The following ARHGAP26 variants were observed in gnomAD, a reference collection of about 807,000 sequenced individuals.
ARHGAP26 encodes Rho GTPase activating protein 26.
Under a neutral mutation model 104.8 loss-of-function variants are expected in ARHGAP26, and 38 were observed. The observed-to-expected ratio is 0.36, with a 90% CI of 0.28 to 0.48. The LOEUF (loss-of-function observed/expected upper bound fraction) is 0.48, where lower values mean the gene tolerates loss of function less well. Among genes scored for constraint, ARHGAP26 ranks in the 20% least tolerant of loss-of-function variants. The pLI is 0.99. For synonymous variants in ARHGAP26, 341 were observed against 340.0 expected, an observed-to-expected ratio of 1.00 and a Z score of -0.03; for missense variants, 704 against 947.9, an observed-to-expected ratio of 0.74 and a Z score of 3.38.
At chr5:143,125,321 C>T (rs1405924625) in intron 18 of ARHGAP26, among the ~76,000 whole-genome samples, 1 of 152,182 alleles carries the variant, frequency 6.6e-6, no homozygotes, top group African/African-American at 2.4e-5. Flanking sequence ...TATTTTGTCA[C>T]TCACACCCAC....
chr5:142,979,325 T>G (rs1388032066), intron 11 of ARHGAP26, among the ~76,000 whole-genome samples: 1 of 152,240 alleles, frequency 6.6e-6, no homozygotes, highest in Non-Finnish European at 1.5e-5. Context: ...CCAAGTCTAC[T>G]GAATTTTGAG....
chr5:142,849,442 G>T (rs1354554609), intron 1 of ARHGAP26, among the ~76,000 whole-genome samples: 2 of 152,228 alleles, frequency 1.3e-5, no homozygotes, highest in Non-Finnish European at 2.9e-5. Flanking sequence ...GCCGCCGTGA[G>T]ATTTTGCTAA....
intron 1 of ARHGAP26, among the ~76,000 whole-genome samples, chr5:142,822,836 A>G (rs572317888): frequency 2.0e-5 from 3 of 152,286 alleles, no homozygotes; most frequent in Non-Finnish European, 4.4e-5. Context: ...TAAACCCCAT[A>G]TTATTCCCTT....
chr5:143,177,472 C>T (rs1803637992), intron 20 of ARHGAP26, among the ~76,000 whole-genome samples: 1 of 152,166 alleles, frequency 6.6e-6, no homozygotes, highest in Non-Finnish European at 1.5e-5. Flanking sequence ...CACAGAAAAC[C>T]TGGCAGAGCT....
intron 12 of ARHGAP26, 113 bp downstream of exon 12, chr5:143,014,229 C>T: frequency 3.2e-6 from 4 of 1,237,664 alleles, no homozygotes; most frequent in East Asian, 2.4e-5. Context: ...TGGGTTGGCT[C>T]CAGTTCCCGA....
At chr5:142,944,503 T>G (rs1766820662) in intron 11 of ARHGAP26, among the ~76,000 whole-genome samples, 2 of 152,200 alleles carry the variant, frequency 1.3e-5, no homozygotes, top group South Asian at 4.1e-4. Context: ...TTCCAGTCAC[T>G]TATGAGGGTG....
chr5:142,931,912 C>A, intron 10 of ARHGAP26, 135 bp from the exon 11 acceptor site: 1 of 784,242 alleles, frequency 1.3e-6, no homozygotes. Flanking sequence ...TTAGTAAAGC[C>A]GAGTGTTTTG....
chr5:143,171,112 G>T (rs1802708221), intron 20 of ARHGAP26, among the ~76,000 whole-genome samples: 2 of 152,208 alleles, frequency 1.3e-5, no homozygotes, highest in South Asian at 4.1e-4. Context: ...TTCCAAGGAG[G>T]AAAAAGAATG....
At chr5:143,195,501 T>C (rs1806685292) in intron 20 of ARHGAP26, among the ~76,000 whole-genome samples, 1 of 152,214 alleles carries the variant, frequency 6.6e-6, no homozygotes, top group Non-Finnish European at 1.5e-5. Context: ...TCAGCCTGTG[T>C]TGTTAACATG....
chr5:142,923,819 T>C (rs1763516881), intron 10 of ARHGAP26, among the ~76,000 whole-genome samples: 1 of 151,588 alleles, frequency 6.6e-6, no homozygotes. Flanking sequence ...TTGCAGGCTT[T>C]AATAGGTTAT....
At chr5:142,847,117 T>C (rs1420410177) in intron 1 of ARHGAP26, among the ~76,000 whole-genome samples, 1 of 152,148 alleles carries the variant, frequency 6.6e-6, no homozygotes, top group African/African-American at 2.4e-5. Flanking sequence ...ACCTTCTGTT[T>C]TCTCATCTGT....
chr5:143,068,621 A>G (rs1787842609), intron 17 of ARHGAP26, among the ~76,000 whole-genome samples: 1 of 152,232 alleles, frequency 6.6e-6, no homozygotes, highest in Non-Finnish European at 1.5e-5. Flanking sequence ...CCATCAGCAC[A>G]TAAGCATGTT....
chr5:142,852,691 A>T (rs42866), intron 1 of ARHGAP26, among the ~76,000 whole-genome samples: 33,102 of 152,098 alleles, frequency 0.22, 5,217 homozygotes, highest in East Asian at 0.63. Context: ...GTGTCTTGGA[A>T]GGAGACAATG....
intron 11 of ARHGAP26, among the ~76,000 whole-genome samples, chr5:142,989,921 A>G (rs74456421): frequency 6.6e-6 from 1 of 151,742 alleles, no homozygotes; most frequent in Non-Finnish European, 1.5e-5. Flanking sequence ...TGAATCTGAC[A>G]ATTATGTGTC....
chr5:142,979,597 A>G (rs933747775), intron 11 of ARHGAP26, among the ~76,000 whole-genome samples: 1 of 152,256 alleles, frequency 6.6e-6, no homozygotes, highest in Non-Finnish European at 1.5e-5. Context: ...GAACAGGCTG[A>G]TGGCTTGTGA....
At chr5:142,983,128 A>G (rs1272523893) in intron 11 of ARHGAP26, among the ~76,000 whole-genome samples, 1 of 152,146 alleles carries the variant, frequency 6.6e-6, no homozygotes, top group African/African-American at 2.4e-5. Flanking sequence ...TCTGAAATGG[A>G]GACACCTGTA....
chr5:143,103,609 A>C (rs1472837119), intron 17 of ARHGAP26, among the ~76,000 whole-genome samples: 3 of 152,194 alleles, frequency 2.0e-5, no homozygotes, highest in Non-Finnish European at 4.4e-5. Flanking sequence ...ATGGAATACT[A>C]TGAAGCCATA....
Position 142,846,411 on chromosome 5 carries a change from T to G in ARHGAP26, c.155-26989T>G, listed in dbSNP as rs377358994. On this transcript the variant is annotated intron_variant, in intron 1 of 22. Transcript: ENST00000645722. ...TGTCTCTTGCTCCCAGGGGAATGTC[T>G]TTTGGTGTGGCCCAGGTGAGCCAGA... Among the ~76,000 whole-genome samples the G allele has an allele frequency of 2.0e-5, 3 of 152,320 alleles. No individual in the cohort carries two copies. In the East Asian group the frequency reaches 5.8e-4, roughly 29 times the overall value.
intron 15 of ARHGAP26, among the ~76,000 whole-genome samples, chr5:143,055,352 A>G (rs1785645088): frequency 6.6e-6 from 1 of 152,254 alleles, no homozygotes; most frequent in Admixed American, 6.5e-5. Context: ...TAGAGTCAAG[A>G]GTAAGATATA....
Sources: gnomAD v4.1 joint callset for allele counts (sites outside exome capture counted in the v4.1 genomes callset) on GRCh38, gnomAD v4.1.1 for gene constraint, MANE v1.5 for transcripts, NCBI Gene and HGNC (gene_info 2026-07-23, HGNC 2026-07-21) for gene names.